The following MGST2 variants were observed in gnomAD, a reference collection of about 807,000 sequenced individuals.
The protein encoded by MGST2 is glutathione peroxidase MGST2.
Under a neutral mutation model 16.6 loss-of-function variants are expected in MGST2, and 9 were observed. The observed-to-expected ratio is 0.54, with a 90% CI of 0.33 to 0.95. The LOEUF (loss-of-function observed/expected upper bound fraction) is 0.95. Among genes scored for constraint, MGST2 ranks in the 40% least tolerant of loss-of-function variants. The probability of loss-of-function intolerance (pLI) is 0.03; values close to 1 mark genes in which losing one functional copy is unlikely to be tolerated. For missense variants in MGST2, 159 were observed against 175.1 expected (o/e 0.91, Z 0.52); for synonymous variants, 79 against 68.0 (o/e 1.16, Z -0.79).
At position 139,737,033 on chromosome 4, in the gene MGST2, G is replaced by A. The variant is rs1369529461; in HGVS notation, c.*49-3179G>A. 5.3e-5 allele frequency among the ~76,000 whole-genome samples: 8 copies of A among 152,144 alleles called. No homozygotes were observed. The East Asian group carries it at 1.2e-3, about 22-fold the overall frequency. On this transcript the variant is annotated intron_variant, in intron 5 of 5. Coordinates refer to the MGST2 transcript ENST00000616265. Reference sequence around the variant, plus strand: ...TGAAAGGAGCCAATTCTTCCAGGACGGACTACTCCAGTTGCAACTGTGCTG... The same window carrying A: ...TGAAAGGAGCCAATTCTTCCAGGACAGACTACTCCAGTTGCAACTGTGCTG...
At chr4:139,719,324 T>G in intron 5 of MGST2, 2 of 1,578,610 alleles carry the variant, frequency 1.3e-6, no homozygotes, top group Non-Finnish European at 1.7e-6. Flanking sequence ...CTCTCTTGAT[T>G]AGGGGTTACC....
intron 1 of MGST2, among the ~76,000 whole-genome samples, chr4:139,674,736 A>G (rs368432587): frequency 2.0e-5 from 3 of 152,132 alleles, no homozygotes; most frequent in Non-Finnish European, 2.9e-5. Flanking sequence ...AGCTGAGATC[A>G]TGCCACTGCA....
chr4:139,683,480 C>G (rs1358469303), intron 2 of MGST2, among the ~76,000 whole-genome samples: 1 of 151,924 alleles, frequency 6.6e-6, no homozygotes, highest in Non-Finnish European at 1.5e-5. Flanking sequence ...TAAGGAGAGG[C>G]CTTAAGCATT....
At chr4:139,685,957 C>T (rs927048843) in intron 2 of MGST2, among the ~76,000 whole-genome samples, 1 of 152,234 alleles carries the variant, frequency 6.6e-6, no homozygotes, top group East Asian at 1.9e-4. Context: ...AGCCACCACA[C>T]CCAGCCTGAA....
At chr4:139,713,336 T>C (rs78771100) in intron 5 of MGST2, among the ~76,000 whole-genome samples, 1 of 151,646 alleles carries the variant, frequency 6.6e-6, no homozygotes, top group Non-Finnish European at 1.5e-5. Context: ...AAACAGGTTT[T>C]TTCCCAAAAC....
chr4:139,717,364 C>T (rs1728020654), intron 5 of MGST2: 1 of 152,474 alleles, frequency 6.6e-6, no homozygotes, highest in Admixed American at 6.6e-5. Context: ...TTTGTGTCTT[C>T]TCATTTGTTT....
chr4:139,725,359 G>T (rs1036430337), intron 5 of MGST2, among the ~76,000 whole-genome samples: 1 of 152,176 alleles, frequency 6.6e-6, no homozygotes, highest in Middle Eastern at 3.2e-3. Flanking sequence ...TTTTGCCCCT[G>T]TAGTCACTAA....
chr4:139,732,672 G>A (rs1453192925), intron 5 of MGST2, among the ~76,000 whole-genome samples: 3 of 151,860 alleles, frequency 2.0e-5, no homozygotes, highest in Admixed American at 6.6e-5. Flanking sequence ...TCGGGGTACA[G>A]GTGGTATTTG....
At chr4:139,731,971 C>T (rs1393624957) in intron 5 of MGST2, among the ~76,000 whole-genome samples, 1 of 152,166 alleles carries the variant, frequency 6.6e-6, no homozygotes, top group Non-Finnish European at 1.5e-5. Flanking sequence ...TCTGAACATT[C>T]TGCAGAAATT....
chr4:139,731,040 G>C (rs1399442337), intron 5 of MGST2: 1 of 226,244 alleles, frequency 4.4e-6, no homozygotes, highest in Admixed American at 5.0e-5. Flanking sequence ...GACACATCCT[G>C]ACCTCACCTG....
chr4:139,713,527 A>G (rs1385308257), intron 5 of MGST2, among the ~76,000 whole-genome samples: 1 of 152,064 alleles, frequency 6.6e-6, no homozygotes, highest in African/African-American at 2.4e-5. Context: ...GACTGAGAAG[A>G]AAAAACCTTT....
intron 5 of MGST2, among the ~76,000 whole-genome samples, chr4:139,713,044 A>C (rs1184206397): frequency 6.6e-6 from 1 of 152,254 alleles, no homozygotes; most frequent in Admixed American, 6.5e-5. Flanking sequence ...ACAAGCTATA[A>C]ATAGCTCAAA....
intron 5 of MGST2, among the ~76,000 whole-genome samples, chr4:139,731,676 G>T (rs1401721847): frequency 6.6e-6 from 1 of 152,002 alleles, no homozygotes; most frequent in Non-Finnish European, 1.5e-5. Context: ...TGTTGGATTG[G>T]GTCTCTTGAT....
intron 5 of MGST2, chr4:139,716,694 T>TGTC (rs1205904180): frequency 1.3e-5 from 2 of 152,576 alleles, no homozygotes; most frequent in South Asian, 2.1e-4. Flanking sequence ...AGGAATAATA[T>TGTC]GTCTGCTTAA....
chr4:139,673,434 CA>C (rs1209951066), intron 1 of MGST2, among the ~76,000 whole-genome samples: 1 of 152,090 alleles, frequency 6.6e-6, no homozygotes, highest in Non-Finnish European at 1.5e-5. Flanking sequence ...TTATTTGAAA[CA>C]GGGTCTTGCT....
chr4:139,700,080 C>T (rs183823216), intron 3 of MGST2, among the ~76,000 whole-genome samples: 1 of 149,708 alleles, frequency 6.7e-6, no homozygotes. Context: ...TTATTGAGCC[C>T]TTACTATGTG....
At chr4:139,745,872 G>C in the MGST2 span, among the ~76,000 whole-genome samples, 33 of 152,332 alleles carry the variant, frequency 2.2e-4, no homozygotes, top group Admixed American at 1.8e-3. Flanking sequence ...GGGGATGGAG[G>C]AAAGATGGCA....
At chr4:139,693,282 G>A (rs967911801) in intron 2 of MGST2, among the ~76,000 whole-genome samples, 16 of 151,958 alleles carry the variant, frequency 1.1e-4, no homozygotes, top group Admixed American at 6.6e-4. Flanking sequence ...GCAGGTGCCT[G>A]TAGTCCCAGC....
downstream of MGST2, among the ~76,000 whole-genome samples, chr4:139,706,575 A>G (rs1373676535): frequency 6.6e-6 from 1 of 152,222 alleles, no homozygotes; most frequent in Non-Finnish European, 1.5e-5. Flanking sequence ...CTTCATAACC[A>G]TGTCCTTTGC....
Sources: gnomAD v4.1 joint callset for allele counts (sites outside exome capture counted in the v4.1 genomes callset) on GRCh38, gnomAD v4.1.1 for gene constraint, MANE v1.5 for transcripts, NCBI Gene and HGNC (gene_info 2026-07-23, HGNC 2026-07-21) for gene names.